The following CES3 variants were observed in gnomAD, a reference collection of about 807,000 sequenced individuals.
The protein encoded by CES3 is carboxylesterase 3, also known as carboxylesterase 3 (brain).
Under a neutral mutation model 57.6 loss-of-function variants are expected in CES3, and 49 were observed. The observed-to-expected ratio is 0.85, with a 90% confidence interval of 0.68 to 1.08. The LOEUF (loss-of-function observed/expected upper bound fraction) is 1.08, where lower values mean the gene tolerates loss of function less well. Among genes scored for constraint, CES3 ranks in the 50% least tolerant of loss-of-function variants. The pLI, the probability that CES3 is intolerant of heterozygous loss-of-function variation, is 0.00. For synonymous variants in CES3, 266 were observed against 281.6 expected (o/e 0.94, Z 0.55); for missense variants, 645 against 742.0 (o/e 0.87, Z 1.52).
Position 66,973,063 on chromosome 16 carries a change from CCTT to C in CES3, c.*18_*20del, listed in dbSNP as rs766359203. On this transcript the variant is annotated 3_prime_UTR_variant, in exon 13 of 13. Transcript: ENST00000303334. ...GAGGACCTCTGAGGCCAGGCCTGAA[CCTT>C]CTTGGCTGGGGCAAACCACTCTTCA... The C allele has an allele frequency of 3.7e-6, 6 of 1,608,506 alleles. No individual in the cohort carries two copies.
chr16:66,963,612 G>A lies in CES3; in HGVS notation c.409G>A (p.Ala137Thr), dbSNP rs370193889. The A allele has an allele frequency of 4.2e-5, 68 of 1,614,134 alleles. 1 individual carries two copies. The African/African-American group carries it at 4.4e-4, about 10-fold the overall frequency. ...CGTCTATAGCCCAGCTGAGGTCCCC[G>A]CAGGGTCCGGTAGGCCGGTAGGCAC... is the stretch of plus-strand genomic sequence containing the variant. ...LNVYSPAEVP[A>T]GSGRPVMVWV... Residue 137 changes from alanine (A) to threonine (T), a missense_variant, in exon 3 of 13, where the codon GCA (alanine) becomes ACA (threonine). By Grantham distance (58) the Ala-to-Thr change is moderately conservative. Coordinates refer to ENST00000303334, the MANE Select transcript of CES3 (RefSeq NM_024922.6). The surrounding 1 kb of genome is among the most constrained non-coding windows in gnomAD (Gnocchi z 4.9).
chr16:66,961,934 G>A (rs1963656622), intron 1 of CES3, among the ~76,000 whole-genome samples: 2 of 152,146 alleles, frequency 1.3e-5, no homozygotes, highest in African/African-American at 2.4e-5. Flanking sequence ...ATATGCAAAT[G>A]ACTATCATGA....
chr16:66,964,086 C>A, intron 4 of CES3, 151 bp downstream of exon 4: 2 of 1,256,950 alleles, frequency 1.6e-6, no homozygotes, highest in Non-Finnish European at 2.2e-6. Flanking sequence ...CCCAAGCCTC[C>A]ACCCTGGGAG....
At chr16:66,970,704 A>G (rs1309535292) in intron 9 of CES3, among the ~76,000 whole-genome samples, 1 of 152,208 alleles carries the variant, frequency 6.6e-6, no homozygotes, top group Admixed American at 6.5e-5. Context: ...TGAAGAGTCT[A>G]CCTGGGATCT....
In CES3 at chr16:66,971,153, G is replaced by A. The variant is rs1335635959; in HGVS notation, c.1144-19G>A. 1 of 1,608,410 alleles carries A rather than the reference G, an allele frequency of 6.2e-7. No individual in the cohort carries two copies. Among genetic ancestry groups the A allele is most frequent in the Admixed American group, 1.7e-5 (1 of 59,714 alleles). On this transcript the variant is annotated intron_variant, in intron 9 of 12. Coordinates refer to ENST00000303334, the MANE Select transcript of CES3 (RefSeq NM_024922.6). ...ATCTGTGCACCCTGAGCAGGGCTGA[G>A]CCTGGCCTCTTGCCCCAGGATGTGC...
chr16:66,971,710 G>GTTTTA (rs143033942), intron 10 of CES3, among the ~76,000 whole-genome samples: 48,544 of 151,636 alleles, frequency 0.32, 11,215 homozygotes, highest in African/African-American at 0.66. Context: ...TCCAGACCCA[G>GTTTTA]AACTTTGTGA....
rs150704568 is a variant in CES3, at chr16:66,967,861, G to A, written c.1062+996G>A. On this transcript the variant is annotated intron_variant, in intron 8 of 12. Coordinates refer to ENST00000303334, the MANE Select transcript of CES3 (RefSeq NM_024922.6). ...TCTACTGCCTCAACCTCTCAGGCCC[G>A]AGCAATCCTCCCAGCTTCCTGAGTA... 46 of 669,570 alleles carry A rather than the reference G, an allele frequency of 6.9e-5. 1 individual carries two copies. Among genetic ancestry groups the A allele is most frequent in the African/African-American group, 5.3e-4 (27 of 50,838 alleles). 41.5% of individuals were successfully genotyped at this position (669,570 alleles called of 1,614,324 possible).
rs757107608 is a variant in CES3 at position 66,963,491 on chromosome 16, G to A, written c.288G>A (p.Met96Ile). 2.5e-6 allele frequency: 4 copies of A among 1,611,374 alleles called. No individual in the cohort carries two copies. The South Asian group carries it at 4.4e-5, about 18-fold the overall frequency. ...GVRDASTAPP[M>I]CLQDVESMNS... ...ACCTCAGGCCCACCCTTGGCCACAG[G>A]TGCCTACAAGACGTGGAGAGCATGA... is the stretch of plus-strand genomic sequence containing the variant. The change falls in exon 3 of 13, where the codon ATG (methionine) becomes ATA (isoleucine). Residue 96 changes from methionine to isoleucine, a missense_variant and splice_region_variant. Coordinates refer to ENST00000303334, the MANE Select transcript of CES3 (RefSeq NM_024922.6). The surrounding 1 kb of genome is among the most constrained non-coding windows in gnomAD (Gnocchi z 4.9).
rs149245841 is a variant in CES3 at position 66,971,307 on chromosome 16, A to C, written c.1279A>C (p.Arg427=). 61 of 1,613,646 alleles carry C rather than the reference A, an allele frequency of 3.8e-5. No individual in the cohort carries two copies. The highest frequency in any genetic ancestry group is 1.7e-4 in the Middle Eastern group (1 of 6,060). The change falls in exon 10 of 13, where the codon AGA becomes CGA. Residue 427 remains arginine, a synonymous_variant. Coordinates refer to ENST00000303334, the MANE Select transcript of CES3 (RefSeq NM_024922.6). ...CAATGTTCCCACCGTCAGTTTTTCA[A>C]GATACCTTCGAGGTAAGCCTGTCCC... is the stretch of plus-strand genomic sequence containing the variant. The part of the protein sequence containing the change: ...FINVPTVSFS[R]YLRDSGSPVF...
Position 66,972,372 on chromosome 16 carries a change from C to G in CES3, c.1308C>G (p.Val436=). ...SRYLRDSGSP[V]FFYEFQHRPS... is the part of the protein sequence containing the mutation. ...TCTCTGTAGATTCTGGAAGCCCTGT[C>G]TTTTTCTATGAGTTCCAGCATCGAC... The change falls in exon 11 of 13, where the codon GTC becomes GTG. Residue 436 remains valine (V), a synonymous_variant. Coordinates refer to ENST00000303334, the MANE Select transcript of CES3 (RefSeq NM_024922.6). 6.2e-7 allele frequency: 1 copy of G among 1,603,806 alleles called. No individual in the cohort carries two copies. The highest frequency in any genetic ancestry group is 8.5e-7 in the Non-Finnish European group (1 of 1,174,770).
chr16:66,970,619 C>G (rs1037316631), intron 9 of CES3, among the ~76,000 whole-genome samples: 1 of 151,992 alleles, frequency 6.6e-6, no homozygotes, highest in Non-Finnish European at 1.5e-5. Context: ...CCCTCTAAGC[C>G]CATCTCTTCA....
intron 9 of CES3, 39 bp from the exon 10 acceptor site, chr16:66,971,133 T>G: frequency 6.3e-7 from 1 of 1,587,346 alleles, no homozygotes; most frequent in South Asian, 1.1e-5. Flanking sequence ...GCCACATCTG[T>G]GCACCCTGAG....
At chr16:66,964,020 C>A in intron 4 of CES3, 85 bp downstream of exon 4, 9 of 1,562,932 alleles carry the variant, frequency 5.8e-6, no homozygotes, top group Non-Finnish European at 6.1e-6. Flanking sequence ...GGTTGGGGTC[C>A]GGAACCTGAA....
At position 66,963,505 on chromosome 16, in the gene CES3, T is replaced by C; in HGVS notation, c.302T>C (p.Val101Ala). ...CTTGGCCACAGGTGCCTACAAGACG[T>C]GGAGAGCATGAACAGCAGCAGATTT... ...STAPPMCLQDVESMNSSRFVL... is the reference protein window; with the variant it reads ...STAPPMCLQDAESMNSSRFVL... Residue 101 changes from valine (V) to alanine (A), a missense_variant, in exon 3 of 13, where the codon GTG becomes GCG. Coordinates refer to ENST00000303334, the MANE Select transcript of CES3 (RefSeq NM_024922.6). This position sits in a 1 kb window ranked among gnomAD's most constrained non-coding sequence, Gnocchi z 4.9. 6.2e-7 allele frequency: 1 copy of C among 1,613,722 alleles called. No homozygotes were observed. Among genetic ancestry groups the C allele is most frequent in the South Asian group, 1.1e-5 (1 of 91,068 alleles).
Position 66,963,342 on chromosome 16 carries a change from G to C in CES3, c.246G>C (p.Gln82His), listed in dbSNP as rs772104455. The C allele has an allele frequency of 6.2e-7, 1 of 1,613,310 alleles. No individual in the cohort carries two copies. The highest frequency in any genetic ancestry group is 1.3e-5 in the African/African-American group (1 of 74,930). The change falls in exon 2 of 13, where the codon CAG (glutamine) becomes CAC (histidine). Residue 82 changes from glutamine to histidine, a missense_variant. Coordinates refer to ENST00000303334, the MANE Select transcript of CES3 (RefSeq NM_024922.6). This position sits in a 1 kb window ranked among gnomAD's most constrained non-coding sequence, Gnocchi z 4.9. ...GGTTCTCAGCCCCACACCCAGCACA[G>C]CCCTGGGAGGGTGTGCGGGATGCCA... is the stretch of plus-strand genomic sequence containing the variant. ...PDRFSAPHPAQPWEGVRDAST... is the reference protein window; with the variant it reads ...PDRFSAPHPAHPWEGVRDAST...
At position 66,972,746 on chromosome 16, in the gene CES3, G is replaced by GGAGA; in HGVS notation, c.1520+1_1520+2insAGAG. 6.2e-7 allele frequency: 1 copy of GGAGA among 1,614,172 alleles called. No individual in the cohort carries two copies. The highest frequency in any genetic ancestry group is 8.5e-7 in the Non-Finnish European group (1 of 1,180,038). On this transcript the variant is annotated frameshift_variant and splice_region_variant. Coordinates refer to ENST00000303334, the MANE Select transcript of CES3 (RefSeq NM_024922.6). LOFTEE classifies it high-confidence loss of function. ...CAGTGGACCCACTTTGCCCGGACAG[G>GGAGA]GTGAGTGAGTGACAGGGCATAGCTC...
At chr16:66,961,759 T>C (rs927939067) in intron 1 of CES3, among the ~76,000 whole-genome samples, 7 of 152,162 alleles carry the variant, frequency 4.6e-5, no homozygotes, top group Non-Finnish European at 1.0e-4. Context: ...AGATGGGGTT[T>C]CACCATGTGG....
intron 1 of CES3, 151 bp downstream of exon 1, chr16:66,961,540 C>T (rs1371637654): frequency 1.6e-6 from 1 of 642,658 alleles, no homozygotes; most frequent in African/African-American, 1.8e-5. Context: ...AGGCGCTCTG[C>T]TCTTGCTGTA....
At chr16:66,967,757 G>C in intron 8 of CES3, 1 of 979,704 alleles carries the variant, frequency 1.0e-6, no homozygotes, top group Non-Finnish European at 1.2e-6. Flanking sequence ...TGTTGTTGTT[G>C]TTTGTGTGTT....
Sources: gnomAD v4.1 joint callset for allele counts (sites outside exome capture counted in the v4.1 genomes callset) on GRCh38, gnomAD v4.1.1 for gene constraint, Gnocchi (gnomAD v3.1) non-coding constraint, MANE v1.5 for transcripts, NCBI Gene and HGNC (gene_info 2026-07-23, HGNC 2026-07-21) for gene names.